IMMP2L: variants seen among roughly 807,000 people sequenced by gnomAD.
IMMP2L encodes inner mitochondrial membrane peptidase subunit 2, also known as mitochondrial inner membrane protease subunit 2.
A neutral mutation model predicts 19.3 loss-of-function variants in IMMP2L; 18 were observed. The observed-to-expected ratio is 0.93, with a 90% confidence interval of 0.64 to 1.38. The LOEUF (loss-of-function observed/expected upper bound fraction) is 1.38, where lower values mean the gene tolerates loss of function less well. Ranked by LOEUF, IMMP2L falls within the 40% of genes most tolerant of loss-of-function variation. The pLI is 0.00. For missense variants in IMMP2L, 233 were observed against 218.2 expected (o/e 1.07, Z -0.43); for synonymous variants, 76 against 73.0 (o/e 1.04, Z -0.21).
intron 3 of IMMP2L, among the ~76,000 whole-genome samples, chr7:111,452,057 A>G (rs1220832186): frequency 6.6e-6 from 1 of 152,080 alleles, no homozygotes; most frequent in Non-Finnish European, 1.5e-5. Flanking sequence ...TATTGGAGAC[A>G]TTACATTATT....
At chr7:111,440,636 G>A (rs999589224) in intron 3 of IMMP2L, among the ~76,000 whole-genome samples, 11 of 151,794 alleles carry the variant, frequency 7.2e-5, no homozygotes, top group Non-Finnish European at 1.2e-4. Flanking sequence ...AAGGGGCCTA[G>A]GATTTTCAGA....
chr7:111,006,375 T>C (rs924137359), intron 3 of IMMP2L, among the ~76,000 whole-genome samples: 2 of 152,180 alleles, frequency 1.3e-5, no homozygotes, highest in African/African-American at 4.8e-5. Context: ...TATTTTATAA[T>C]GCATAATTGG....
chr7:110,933,928 T>C (rs988360172), intron 4 of IMMP2L, among the ~76,000 whole-genome samples: 1 of 152,196 alleles, frequency 6.6e-6, no homozygotes, highest in Non-Finnish European at 1.5e-5. Context: ...TTAATTGTGA[T>C]GTTAGGGTGT....
intron 3 of IMMP2L, among the ~76,000 whole-genome samples, chr7:111,385,157 T>C (rs1188930726): frequency 2.0e-5 from 3 of 151,706 alleles, no homozygotes; most frequent in Non-Finnish European, 4.4e-5. Flanking sequence ...TAAGGCAAGG[T>C]GGAGGTGGGG....
At chr7:111,330,121 T>G (rs1404346962) in intron 3 of IMMP2L, among the ~76,000 whole-genome samples, 1 of 151,216 alleles carries the variant, frequency 6.6e-6, no homozygotes, top group Non-Finnish European at 1.5e-5. Flanking sequence ...CCAGAAAATT[T>G]TAAAAGGAAA....
At chr7:111,544,100 A>C (rs562772657) in intron 1 of IMMP2L, among the ~76,000 whole-genome samples, 1 of 152,278 alleles carries the variant, frequency 6.6e-6, no homozygotes, top group East Asian at 1.9e-4. Flanking sequence ...CTTTGTAGGG[A>C]CATGGATGAA....
At chr7:110,694,228 T>C (rs1365991577) in intron 5 of IMMP2L, among the ~76,000 whole-genome samples, 2 of 152,142 alleles carry the variant, frequency 1.3e-5, no homozygotes, top group African/African-American at 4.8e-5. Context: ...AATAGTTGGC[T>C]AAAAAAGAAT....
At chr7:111,112,216 C>T (rs371551939) in intron 3 of IMMP2L, among the ~76,000 whole-genome samples, 2 of 152,024 alleles carry the variant, frequency 1.3e-5, no homozygotes, top group Admixed American at 6.6e-5. Context: ...CGCCTGACTT[C>T]GCCTCCCAAA....
At chr7:110,767,075 A>G (rs1014208350) in intron 5 of IMMP2L, among the ~76,000 whole-genome samples, 1 of 152,166 alleles carries the variant, frequency 6.6e-6, no homozygotes, top group African/African-American at 2.4e-5. Context: ...TGCTATCAGC[A>G]TTTCCTGTTT....
chr7:110,703,782 A>G (rs1456488709), intron 5 of IMMP2L, among the ~76,000 whole-genome samples: 2 of 152,202 alleles, frequency 1.3e-5, no homozygotes, highest in African/African-American at 4.8e-5. Context: ...TGTGCAACAT[A>G]TTCAAAATCT....
intron 5 of IMMP2L, among the ~76,000 whole-genome samples, chr7:110,867,010 T>C (rs1808050677): frequency 6.6e-6 from 1 of 152,090 alleles, no homozygotes; most frequent in African/African-American, 2.4e-5. Flanking sequence ...TTTACACAGA[T>C]GAAATCTTTT....
chr7:111,463,710 C>T (rs7790358), intron 3 of IMMP2L, among the ~76,000 whole-genome samples: 1,865 of 152,216 alleles, frequency 0.012, 17 homozygotes, highest in Non-Finnish European at 0.019. Context: ...GTTGCTAGTC[C>T]CTGGGCACTT....
intron 3 of IMMP2L, among the ~76,000 whole-genome samples, chr7:111,076,136 A>C (rs370965887): frequency 1.3e-4 from 20 of 152,208 alleles, no homozygotes; most frequent in African/African-American, 2.4e-4. Context: ...ATTGGCCTTC[A>C]TGATGATCCT....
chr7:111,304,717 T>TGTGG (rs745621122), intron 3 of IMMP2L, among the ~76,000 whole-genome samples: 1 of 145,186 alleles, frequency 6.9e-6, no homozygotes, highest in Admixed American at 7.0e-5. Context: ...TGTGTGTGTG[T>TGTGG]GGTGTATCCT....
At chr7:111,071,863 A>T (rs2129575441) in intron 3 of IMMP2L, among the ~76,000 whole-genome samples, 1 of 152,330 alleles carries the variant, frequency 6.6e-6, no homozygotes, top group African/African-American at 2.4e-5. Context: ...TACATTGTAC[A>T]TTTATAAATG....
At chr7:110,773,028 T>G (rs1339422508) in intron 5 of IMMP2L, among the ~76,000 whole-genome samples, 1 of 152,122 alleles carries the variant, frequency 6.6e-6, no homozygotes, top group Non-Finnish European at 1.5e-5. Context: ...AAAAAGCAAT[T>G]TAACTTTAAA....
chr7:110,665,529 A>C (rs532706638), intron 5 of IMMP2L, among the ~76,000 whole-genome samples: 184 of 152,324 alleles, frequency 1.2e-3, no homozygotes, highest in African/African-American at 4.2e-3. Flanking sequence ...TTAAAAATTC[A>C]AGGTCTAATC....
At chr7:110,989,230 T>C (rs1286317010) in intron 3 of IMMP2L, among the ~76,000 whole-genome samples, 1 of 148,984 alleles carries the variant, frequency 6.7e-6, no homozygotes, top group Non-Finnish European at 1.5e-5. Context: ...AGTGAAACTG[T>C]CTCAAAAAAA....
At chr7:110,922,622 CTCT>C (rs1430321400) in intron 4 of IMMP2L, among the ~76,000 whole-genome samples, 1 of 152,064 alleles carries the variant, frequency 6.6e-6, no homozygotes, top group Non-Finnish European at 1.5e-5. Context: ...TGTTTTTCTT[CTCT>C]TCACTTAATC....
Sources: gnomAD v4.1 joint callset for allele counts (sites outside exome capture counted in the v4.1 genomes callset) on GRCh38, gnomAD v4.1.1 for gene constraint, MANE v1.5 for transcripts, NCBI Gene and HGNC (gene_info 2026-07-23, HGNC 2026-07-21) for gene names.